The following CSMD1 variants were observed in gnomAD, a reference collection of about 807,000 sequenced individuals.
CSMD1 encodes CUB and Sushi multiple domains 1.
In CSMD1, 213 loss-of-function variants were observed where a neutral mutation model predicts 417.5. The observed-to-expected ratio is 0.51, with a 90% confidence interval of 0.46 to 0.57. The LOEUF (loss-of-function observed/expected upper bound fraction) is 0.57. Ranked by LOEUF, CSMD1 falls within the 20% of genes least tolerant of loss-of-function variation. The probability of loss-of-function intolerance (pLI) is 0.00; values close to 1 mark genes in which losing one functional copy is unlikely to be tolerated. For missense variants in CSMD1, 6,923 were observed against 4,529.7 expected (o/e 1.53, Z -15.17); for synonymous variants, 2,862 against 1,736.8 (o/e 1.65, Z -16.11).
At chr8:4,051,035 A>G (rs775795392) in intron 3 of CSMD1, among the ~76,000 whole-genome samples, 3 of 152,044 alleles carry the variant, frequency 2.0e-5, no homozygotes, top group Admixed American at 1.3e-4. Flanking sequence ...CCACCCCAAC[A>G]TGATGCCTGA....
intron 1 of CSMD1, among the ~76,000 whole-genome samples, chr8:4,845,275 T>A (rs989848552): frequency 2.0e-5 from 3 of 152,196 alleles, no homozygotes; most frequent in Non-Finnish European, 4.4e-5. Context: ...CCATCAACAT[T>A]TTTCGATTTA....
intron 1 of CSMD1, among the ~76,000 whole-genome samples, chr8:4,789,849 A>C (rs1797597935): frequency 6.6e-6 from 1 of 152,174 alleles, no homozygotes; most frequent in Non-Finnish European, 1.5e-5. Flanking sequence ...TAACTTTCTT[A>C]ATCTCTTTTA....
intron 15 of CSMD1, among the ~76,000 whole-genome samples, chr8:3,404,512 T>C (rs1375285996): frequency 6.6e-6 from 1 of 152,106 alleles, no homozygotes; most frequent in African/African-American, 2.4e-5. Context: ...GAGTCCTTGA[T>C]AGAGATGATG....
intron 3 of CSMD1, among the ~76,000 whole-genome samples, chr8:4,129,891 A>G (rs772842407): frequency 6.6e-6 from 1 of 152,102 alleles, no homozygotes; most frequent in Non-Finnish European, 1.5e-5. Context: ...TTGTGAATAT[A>G]ATATATCCTT....
intron 5 of CSMD1, among the ~76,000 whole-genome samples, chr8:3,986,571 T>G (rs1166514320): frequency 6.6e-6 from 1 of 152,152 alleles, no homozygotes; most frequent in Non-Finnish European, 1.5e-5. Flanking sequence ...ATCTTAATCT[T>G]TCAACTTTCT....
intron 12 of CSMD1, among the ~76,000 whole-genome samples, chr8:3,456,451 T>G (rs888801577): frequency 3.9e-4 from 59 of 152,280 alleles, no homozygotes; most frequent in African/African-American, 1.4e-3. Flanking sequence ...CCCCTTACTC[T>G]CCTATTTTCT....
intron 56 of CSMD1, among the ~76,000 whole-genome samples, chr8:2,973,509 T>C (rs1370942548): frequency 2.0e-5 from 3 of 152,206 alleles, no homozygotes; most frequent in Non-Finnish European, 2.9e-5. Flanking sequence ...TGTTACTAAC[T>C]TCACAATAGC....
At chr8:4,530,267 G>C (rs186853472) in intron 2 of CSMD1, among the ~76,000 whole-genome samples, 1 of 140,342 alleles carries the variant, frequency 7.1e-6, no homozygotes, top group African/African-American at 2.6e-5. Context: ...TTCATCATCC[G>C]GATTTAAATA....
At chr8:3,954,845 C>T (rs141248751) in intron 5 of CSMD1, among the ~76,000 whole-genome samples, 3 of 152,332 alleles carry the variant, frequency 2.0e-5, no homozygotes, top group Non-Finnish European at 2.9e-5. Flanking sequence ...CAGGGAGTTA[C>T]ATGCATGTGC....
chr8:3,734,248 G>A (rs1232709413), intron 6 of CSMD1, among the ~76,000 whole-genome samples: 2 of 152,196 alleles, frequency 1.3e-5, no homozygotes, highest in African/African-American at 2.4e-5. Flanking sequence ...TTCCTACTCA[G>A]CACCATTCCA....
At chr8:3,154,658 T>G (rs1057235724) in intron 39 of CSMD1, among the ~76,000 whole-genome samples, 1 of 152,082 alleles carries the variant, frequency 6.6e-6, no homozygotes, top group Non-Finnish European at 1.5e-5. Context: ...GACATGAACT[T>G]CACCCAGCTG....
chr8:4,748,965 A>G (rs957945147), intron 1 of CSMD1, among the ~76,000 whole-genome samples: 2 of 152,184 alleles, frequency 1.3e-5, no homozygotes, highest in African/African-American at 4.8e-5. Flanking sequence ...CAATTCTTCT[A>G]ATAAGTTCTA....
chr8:4,619,305 A>T (rs1256182358), intron 2 of CSMD1, among the ~76,000 whole-genome samples: 1 of 152,194 alleles, frequency 6.6e-6, no homozygotes, highest in Non-Finnish European at 1.5e-5. Flanking sequence ...AAAGCAATAT[A>T]GCCTTCTCCA....
At chr8:3,660,240 G>C (rs1168722606) in intron 7 of CSMD1, among the ~76,000 whole-genome samples, 1 of 152,116 alleles carries the variant, frequency 6.6e-6, no homozygotes, top group Non-Finnish European at 1.5e-5. Context: ...GCTATTTACT[G>C]TCTGTGGGAT....
intron 2 of CSMD1, among the ~76,000 whole-genome samples, chr8:4,452,067 G>A (rs1210695103): frequency 3.9e-5 from 6 of 152,186 alleles, no homozygotes; most frequent in African/African-American, 9.6e-5. Context: ...TTAGGGGCCA[G>A]AATGATCTCC....
chr8:4,099,449 T>C (rs997986525), intron 3 of CSMD1, among the ~76,000 whole-genome samples: 1 of 152,108 alleles, frequency 6.6e-6, no homozygotes, highest in Non-Finnish European at 1.5e-5. Flanking sequence ...TAATACACCA[T>C]TCCTAAGCCT....
At chr8:4,683,145 TTCTGA>T (rs1422160270) in intron 1 of CSMD1, among the ~76,000 whole-genome samples, 2 of 151,756 alleles carry the variant, frequency 1.3e-5, no homozygotes, top group Non-Finnish European at 2.9e-5. Flanking sequence ...GTATGGTCAG[TTCTGA>T]TCTGTTAATG....
At chr8:4,128,619 C>G (rs189133420) in intron 3 of CSMD1, among the ~76,000 whole-genome samples, 9 of 152,238 alleles carry the variant, frequency 5.9e-5, no homozygotes, top group African/African-American at 1.9e-4. Flanking sequence ...CCCATGCTTG[C>G]TTTTTCCTCT....
Position 4,526,393 on chromosome 8 carries a change from G to C in CSMD1, c.303-106328C>G, listed in dbSNP as rs746598870. 2.0e-5 allele frequency among the ~76,000 whole-genome samples: 3 copies of C among 152,306 alleles called. No individual in the cohort carries two copies. In the South Asian group the frequency reaches 6.2e-4, roughly 32 times the overall value. On this transcript the variant is annotated intron_variant, in intron 2 of 69. Transcript: ENST00000635120. ...GTGGTCTCCTCCTTCAACAAGAATT[G>C]CATCTTACTTATGTATGCCCAAGGG...
Sources: allele counts gnomAD v4.1 joint callset (sites outside exome capture counted in the v4.1 genomes callset), GRCh38; gene constraint gnomAD v4.1.1; transcripts MANE v1.5; gene names NCBI Gene and HGNC (gene_info 2026-07-23, HGNC 2026-07-21).